The following KDM4B variants were observed in gnomAD, a reference collection of about 807,000 sequenced individuals.
KDM4B encodes the protein lysine demethylase 4B.
In KDM4B, 32 loss-of-function variants were observed where a neutral mutation model predicts 125.2. That is an observed-to-expected ratio of 0.26 (90% CI 0.19 to 0.34). The LOEUF is 0.34. Ranked by LOEUF, KDM4B falls within the 10% of genes least tolerant of loss-of-function variation. The probability of loss-of-function intolerance (pLI) is 1.00; values close to 1 mark genes in which losing one functional copy is unlikely to be tolerated. For synonymous variants in KDM4B, 721 were observed against 677.9 expected (o/e 1.06, Z -0.99); for missense variants, 1,190 against 1,577.7 (o/e 0.75, Z 4.16).
At chr19:5,143,626 C>T (rs780689760) in intron 18 of KDM4B, among the ~76,000 whole-genome samples, 7 of 152,144 alleles carry the variant, frequency 4.6e-5, no homozygotes, top group Non-Finnish European at 8.8e-5. Flanking sequence ...AGCGACACCA[C>T]GTGGGGCTCT....
intron 22 of KDM4B, among the ~76,000 whole-genome samples, chr19:5,150,672 C>G (rs146567897): frequency 6.6e-6 from 1 of 152,096 alleles, no homozygotes; most frequent in Non-Finnish European, 1.5e-5. Context: ...TGGGCGATGC[C>G]GTTAATGTGG....
rs184210319 is a variant in KDM4B at position 5,093,730 on chromosome 19, C to T, written c.918+11226C>T. Among the ~76,000 whole-genome samples, 79 of 152,324 alleles carry T rather than the reference C, an allele frequency of 5.2e-4. No individual in the cohort carries two copies. In the East Asian group the frequency reaches 0.015, roughly 28 times the overall value. On this transcript the variant is annotated intron_variant, in intron 9 of 22. Coordinates refer to ENST00000159111, the MANE Select transcript of KDM4B (RefSeq NM_015015.3). The stretch of plus-strand genomic sequence containing the variant: ...GGCTGTGAGAGGAGTGTGACCGCCA[C>T]TCGCCCCGGTTGGTGTCTGCTTGGC...
intron 10 of KDM4B, among the ~76,000 whole-genome samples, chr19:5,118,116 G>A (rs1446760675): frequency 3.3e-5 from 5 of 152,108 alleles, no homozygotes; most frequent in Non-Finnish European, 7.4e-5. Context: ...GAGGTGAGGA[G>A]GTCCTGGTAA....
rs991029835 is a variant in KDM4B at position 5,035,013 on chromosome 19, C to G, written c.141+1982C>G. ...GATTTTTGATTGTAACACACCATGA[C>G]GATGTGGGAATGATGGCACATCTGT... On this transcript the variant is annotated intron_variant, in intron 3 of 22. Coordinates refer to ENST00000159111, the MANE Select transcript of KDM4B (RefSeq NM_015015.3). This position sits in a 1 kb window ranked among gnomAD's most constrained non-coding sequence, Gnocchi z 5.3. Among the ~76,000 whole-genome samples the G allele has an allele frequency of 6.6e-6, 1 of 152,158 alleles. No homozygotes were observed. Among genetic ancestry groups the G allele is most frequent in the African/African-American group, 2.4e-5 (1 of 41,440 alleles).
rs572156471 is a variant in KDM4B, at chr19:5,077,368, C to T, written c.678C>T (p.Gly226=). The change falls in exon 8 of 23, where the codon GGC becomes GGT. Residue 226 remains glycine (G), a splice_region_variant and synonymous_variant. Coordinates refer to ENST00000159111, the MANE Select transcript of KDM4B (RefSeq NM_015015.3). ...HGKRLERLAI[G]FFPGSSQGCD... is the part of the protein sequence containing the mutation. ...TGACGTCTGTCTTTTCGGCCCTAGGCTTCTTCCCCGGGAGCTCGCAGGGCT... is the reference window on the plus strand; with the variant it reads ...TGACGTCTGTCTTTTCGGCCCTAGGTTTCTTCCCCGGGAGCTCGCAGGGCT... 2 of 1,612,438 alleles carry T rather than the reference C, an allele frequency of 1.2e-6. No individual in the cohort carries two copies. The highest frequency in any genetic ancestry group is 2.2e-5 in the East Asian group (1 of 44,882).
Position 5,131,078 on chromosome 19 carries a change from G to T in KDM4B, c.1318G>T (p.Asp440Tyr). ...ACCTCCCTCTCCTCTTCCCACAGAGGACGGGAGGGGCAAGCTGCGGCCAAC... is the reference window on the plus strand; with the variant it reads ...ACCTCCCTCTCCTCTTCCCACAGAGTACGGGAGGGGCAAGCTGCGGCCAAC... ...HGREAEGAEE[D>Y]GRGKLRPTKA... The change falls in exon 12 of 23, where the codon GAC becomes TAC. Residue 440 changes from aspartate to tyrosine, a missense_variant and splice_region_variant. Physicochemically the swap from Asp to Tyr is radical, Grantham distance 160. Transcript: ENST00000159111. 6.6e-7 allele frequency: 1 copy of T among 1,508,228 alleles called. No individual in the cohort carries two copies. The highest frequency in any genetic ancestry group is 8.9e-7 in the Non-Finnish European group (1 of 1,128,024). 93.4% of individuals were successfully genotyped at this position (1,508,228 alleles called of 1,614,324 possible).
Position 5,027,701 on chromosome 19 carries a change from C to T in KDM4B, c.-25-5165C>T, listed in dbSNP as rs527369111. On this transcript the variant is annotated intron_variant, in intron 2 of 22. Coordinates refer to ENST00000159111, the MANE Select transcript of KDM4B (RefSeq NM_015015.3). ...GGTTACAGGCACCCACCACCACACC[C>T]GGCTAATTTTCATATTTTTGAGTAG... Among the ~76,000 whole-genome samples, 89 of 152,152 alleles carry T rather than the reference C, an allele frequency of 5.8e-4. 1 individual carries two copies. Among genetic ancestry groups the T allele is most frequent in the African/African-American group, 2.1e-3 (87 of 41,514 alleles).
intron 1 of KDM4B, among the ~76,000 whole-genome samples, chr19:5,015,832 C>T (rs973140857): frequency 1.3e-5 from 2 of 152,216 alleles, no homozygotes; most frequent in Non-Finnish European, 2.9e-5. Context: ...CGGTCGCAGC[C>T]CCTGCCCCCC....
intron 13 of KDM4B, among the ~76,000 whole-genome samples, chr19:5,132,432 G>A (rs141818569): frequency 6.6e-6 from 1 of 152,332 alleles, no homozygotes; most frequent in East Asian, 1.9e-4. Context: ...GTGTGCAGAA[G>A]TCCTGCTAAG....
chr19:5,131,661 A>AGGTGGGGTGGCGCAGGGGAGGAGGGGG, intron 12 of KDM4B, 116 bp downstream of exon 12: 1 of 191,684 alleles, frequency 5.2e-6, no homozygotes, highest in Non-Finnish European at 8.8e-6. Flanking sequence ...GGAGGAGGGG[A>AGGTGGGGTGGCGCAGGGGAGGAGGGGG]CAGGAGGGCT....
At chr19:5,151,292 G>T in intron 22 of KDM4B, 43 bp from the exon 23 acceptor site, 3 of 1,424,302 alleles carry the variant, frequency 2.1e-6, no homozygotes, top group Admixed American at 2.7e-5. Flanking sequence ...GCCGCACAGA[G>T]TGTCTCCACC....
In KDM4B at chr19:5,131,193, C is replaced by T. The variant is rs369514855; in HGVS notation, c.1433C>T (p.Ala478Val). The change falls in exon 12 of 23, where the codon GCG (alanine) becomes GTG (valine). Residue 478 changes from alanine to valine, a missense_variant. Physicochemically the swap from Ala to Val is moderately conservative, Grantham distance 64. Around this residue, in one of 7 missense-constraint regions of KDM4B, gnomAD observed 428 missense variants for 405.1 expected, o/e 1.06. Transcript: ENST00000159111. ...PPPAHFPSEEALWLPSPLEPP... is the reference protein window; with the variant it reads ...PPPAHFPSEEVLWLPSPLEPP... ...CCTGCTCACTTCCCCTCAGAGGAGG[C>T]GCTGTGGCTGCCATCCCCACTGGAG... 3.1e-5 allele frequency: 49 copies of T among 1,603,454 alleles called. No homozygotes were observed. In the Admixed American group the frequency reaches 3.7e-4, roughly 12 times the overall value.
Position 5,081,528 on chromosome 19 carries a change from G to A in KDM4B, c.781-839G>A, listed in dbSNP as rs1348454419. The stretch of plus-strand genomic sequence containing the variant: ...AACCTTGGGTCTGGGGTCATTGTGG[G>A]CCCCACCCCAGCCACGCACGCCTCG... On this transcript the variant is annotated intron_variant, in intron 8 of 22. Coordinates refer to ENST00000159111, the MANE Select transcript of KDM4B (RefSeq NM_015015.3). This position sits in a 1 kb window ranked among gnomAD's most constrained non-coding sequence, Gnocchi z 4.2. Among the ~76,000 whole-genome samples the A allele has an allele frequency of 1.3e-5, 2 of 152,022 alleles. No homozygotes were observed. The highest frequency in any genetic ancestry group is 4.8e-5 in the African/African-American group (2 of 41,390).
intron 1 of KDM4B, among the ~76,000 whole-genome samples, chr19:5,011,789 T>C (rs2035735658): frequency 6.6e-6 from 1 of 152,208 alleles, no homozygotes; most frequent in Admixed American, 6.5e-5. Flanking sequence ...CTCCGGTGAC[T>C]GGCAGCCCCA....
intron 1 of KDM4B, among the ~76,000 whole-genome samples, chr19:4,980,320 A>G (rs1017833657): frequency 1.3e-5 from 2 of 149,766 alleles, no homozygotes; most frequent in Admixed American, 6.7e-5. Flanking sequence ...AGATGGAGTC[A>G]CACACTGTGT....
chr19:5,144,035 C>T lies in KDM4B; in HGVS notation c.2619C>T (p.His873=). 2 of 1,603,108 alleles carry T rather than the reference C, an allele frequency of 1.2e-6. No homozygotes were observed. Among genetic ancestry groups the T allele is most frequent in the Non-Finnish European group, 8.5e-7 (1 of 1,171,518 alleles). ...CCTGTATCCAGTGCTCCTACGAGCA[C>T]TGCTCCACGTCCTTCCACGTGACCT... ...SGACIQCSYE[H]CSTSFHVTCA... is the part of the protein sequence containing the mutation. Residue 873 remains histidine, a synonymous_variant, in exon 19 of 23, where the codon CAC becomes CAT. Transcript: ENST00000159111.
chr19:4,986,961 AT>A (rs935730351), intron 1 of KDM4B, among the ~76,000 whole-genome samples: 71 of 146,594 alleles, frequency 4.8e-4, no homozygotes, highest in South Asian at 2.6e-3. Flanking sequence ...ATTTTATTTT[AT>A]TTTTTTTTTT....
At chr19:5,132,144 G>C (rs1168989494) in intron 13 of KDM4B, 137 bp downstream of exon 13, 3 of 1,134,654 alleles carry the variant, frequency 2.6e-6, no homozygotes, top group Non-Finnish European at 3.7e-6. Flanking sequence ...GCCTTTCTGT[G>C]GCTCTGCCGT....
intron 5 of KDM4B, among the ~76,000 whole-genome samples, chr19:5,042,679 T>C (rs2036858358): frequency 6.9e-6 from 1 of 145,206 alleles, no homozygotes. Context: ...CAGGAGAGAG[T>C]GAGGGGGGGG....
Sources: gnomAD v4.1 joint callset for allele counts (sites outside exome capture counted in the v4.1 genomes callset) on GRCh38, gnomAD v4.1.1 for gene constraint, gnomAD v4.1.1 regional missense constraint, Gnocchi (gnomAD v3.1) non-coding constraint, MANE v1.5 for transcripts, NCBI Gene and HGNC (gene_info 2026-07-23, HGNC 2026-07-21) for gene names.